The following NPAS3 variants were observed in gnomAD, a reference collection of about 807,000 sequenced individuals.
NPAS3 encodes neuronal PAS domain protein 3, also known as neuronal PAS domain-containing protein 3.
In NPAS3, 14 loss-of-function variants were observed where a neutral mutation model predicts 73.1. The ratio of observed to expected loss-of-function variants is 0.19; its 90% CI spans 0.13 to 0.30. The LOEUF (loss-of-function observed/expected upper bound fraction) is 0.30, where lower values mean the gene tolerates loss of function less well. Among genes scored for constraint, NPAS3 ranks in the 10% least tolerant of loss-of-function variants. The pLI is 1.00. For missense variants in NPAS3, 1,096 were observed against 1,250.0 expected (o/e 0.88, Z 1.86); for synonymous variants, 620 against 541.5 (o/e 1.14, Z -2.01).
chr14:33,433,074 A>C (rs1427263289), intron 4 of NPAS3, among the ~76,000 whole-genome samples: 1 of 152,180 alleles, frequency 6.6e-6, no homozygotes, highest in East Asian at 1.9e-4. Flanking sequence ...AATGTCATCA[A>C]GTTGTGAGGA....
At chr14:33,707,291 G>A (rs2060682931) in intron 6 of NPAS3, among the ~76,000 whole-genome samples, 1 of 151,900 alleles carries the variant, frequency 6.6e-6, no homozygotes, top group African/African-American at 2.4e-5. Context: ...AACACAAATA[G>A]TTCTATTTCG....
chr14:33,020,647 TG>T (rs1210781944), intron 1 of NPAS3, among the ~76,000 whole-genome samples: 3 of 152,172 alleles, frequency 2.0e-5, no homozygotes, highest in Non-Finnish European at 4.4e-5. Flanking sequence ...AGGATCTCAG[TG>T]GCTATTTTGC....
At position 33,491,560 on chromosome 14, in the gene NPAS3, T is replaced by C. The variant is rs147157915; in HGVS notation, c.469-68561T>C. 3.3e-5 allele frequency among the ~76,000 whole-genome samples: 5 copies of C among 152,280 alleles called. No individual in the cohort carries two copies. In the East Asian group the frequency reaches 5.8e-4, roughly 18 times the overall value. On this transcript the variant is annotated intron_variant, in intron 4 of 11. Transcript: ENST00000356141. ...TTAGATGTTCTTTAATTATAATTAATTTGAAGAGGCAAATATGGTTGGTAG... is the reference window on the plus strand; with the variant it reads ...TTAGATGTTCTTTAATTATAATTAACTTGAAGAGGCAAATATGGTTGGTAG...
intron 6 of NPAS3, among the ~76,000 whole-genome samples, chr14:33,695,962 G>T (rs10129574): frequency 3.0e-4 from 46 of 152,104 alleles, no homozygotes; most frequent in African/African-American, 9.9e-4. Context: ...TTATCTTATT[G>T]TTGAGAAATT....
intron 1 of NPAS3, among the ~76,000 whole-genome samples, chr14:33,047,374 C>T (rs2040546060): frequency 6.6e-6 from 1 of 152,166 alleles, no homozygotes; most frequent in East Asian, 1.9e-4. Flanking sequence ...ATGCTGCCAT[C>T]CTTTCCTCCT....
rs76384936 is a variant in NPAS3, at chr14:33,711,075, A to G, written c.734-24139A>G. 4.5e-3 allele frequency among the ~76,000 whole-genome samples: 680 copies of G among 152,300 alleles called. 31 individuals are homozygous for G. In the East Asian group the frequency reaches 0.1, roughly 22 times the overall value. On this transcript the variant is annotated intron_variant, in intron 6 of 11. Coordinates refer to ENST00000356141, the Ensembl canonical transcript of NPAS3. The stretch of plus-strand genomic sequence containing the variant: ...CCTTCATGACTGAAGCCCGTCTACT[A>G]TTAGTATTTTTCTTTTTACCAGACG...
rs2040486037 is a variant in NPAS3, at chr14:33,045,743, C to T, written c.51-10162C>T. Among the ~76,000 whole-genome samples, 8 of 152,184 alleles carry T rather than the reference C, an allele frequency of 5.3e-5. No individual in the cohort carries two copies. The South Asian group carries it at 1.7e-3, about 32-fold the overall frequency. ...AGCTAAAAATAGTATGGGGTAAAGG[C>T]TTAACAAAGATCCTCTGATTAGTTC... On this transcript the variant is annotated intron_variant, in intron 1 of 11. Transcript: ENST00000356141.
intron 5 of NPAS3, among the ~76,000 whole-genome samples, chr14:33,617,585 C>T (rs1257699712): frequency 6.6e-6 from 1 of 152,144 alleles, no homozygotes; most frequent in Non-Finnish European, 1.5e-5. Context: ...GCTTTATGCC[C>T]ATCGGAAGTA....
At chr14:33,287,000 A>C (rs2041903563) in intron 3 of NPAS3, among the ~76,000 whole-genome samples, 1 of 152,168 alleles carries the variant, frequency 6.6e-6, no homozygotes, top group African/African-American at 2.4e-5. Flanking sequence ...CATGGTTAGC[A>C]ATGCTCGGGA....
intron 6 of NPAS3, among the ~76,000 whole-genome samples, chr14:33,723,327 A>G (rs1239566937): frequency 2.0e-5 from 3 of 152,172 alleles, no homozygotes; most frequent in African/African-American, 2.4e-5. Context: ...TCTTCTAGGA[A>G]AAGGGCTGCC....
At chr14:33,341,446 A>ATTTTATT (rs2044475404) in intron 3 of NPAS3, among the ~76,000 whole-genome samples, 1 of 151,832 alleles carries the variant, frequency 6.6e-6, no homozygotes, top group Non-Finnish European at 1.5e-5. Context: ...TTATTTTTTT[A>ATTTTATT]TTTTATTTTT....
chr14:33,414,837 G>A (rs1201126298), intron 4 of NPAS3, among the ~76,000 whole-genome samples: 1 of 152,176 alleles, frequency 6.6e-6, no homozygotes, highest in African/African-American at 2.4e-5. Context: ...GTCAAAATCA[G>A]TAAACCTTTA....
intron 4 of NPAS3, among the ~76,000 whole-genome samples, chr14:33,544,827 ATG>A (rs1376021265): frequency 1.2e-5 from 1 of 80,212 alleles, no homozygotes; most frequent in Non-Finnish European, 2.4e-5. Flanking sequence ...TATAATATAT[ATG>A]TGTATATATA....
chr14:33,592,716 C>T (rs190254307), intron 5 of NPAS3, among the ~76,000 whole-genome samples: 5 of 152,242 alleles, frequency 3.3e-5, no homozygotes, highest in South Asian at 4.2e-4. Context: ...GTCTTAAATG[C>T]GAAGCAAAGG....
chr14:33,425,746 G>A (rs1049007610), intron 4 of NPAS3, among the ~76,000 whole-genome samples: 2 of 151,920 alleles, frequency 1.3e-5, no homozygotes, highest in African/African-American at 4.8e-5. Context: ...GTATCGTCTT[G>A]TACACACTGA....
At chr14:33,344,959 A>G (rs1372990168) in intron 3 of NPAS3, among the ~76,000 whole-genome samples, 2 of 152,226 alleles carry the variant, frequency 1.3e-5, no homozygotes, top group African/African-American at 4.8e-5. Context: ...GCAACTGGAA[A>G]GGGCAAGTGC....
intron 3 of NPAS3, among the ~76,000 whole-genome samples, chr14:33,307,041 T>C (rs962736506): frequency 3.3e-5 from 5 of 152,206 alleles, no homozygotes; most frequent in Non-Finnish European, 5.9e-5. Context: ...ACTAAGGCTC[T>C]GACCTGGCTA....
At chr14:33,298,186 G>C (rs1182458939) in intron 3 of NPAS3, among the ~76,000 whole-genome samples, 1 of 152,170 alleles carries the variant, frequency 6.6e-6, no homozygotes, top group African/African-American at 2.4e-5. Context: ...GGGAGGCTGA[G>C]ACAGGAGAAT....
At chr14:33,028,523 A>G (rs1333470546) in intron 1 of NPAS3, among the ~76,000 whole-genome samples, 1 of 152,168 alleles carries the variant, frequency 6.6e-6, no homozygotes, top group Non-Finnish European at 1.5e-5. Flanking sequence ...TTCATGCTGG[A>G]GTTTCACTGT....
Sources: gnomAD v4.1 joint callset for allele counts (sites outside exome capture counted in the v4.1 genomes callset) on GRCh38, gnomAD v4.1.1 for gene constraint, MANE v1.5 for transcripts, NCBI Gene and HGNC (gene_info 2026-07-23, HGNC 2026-07-21) for gene names.